PTPRN2: variants seen among roughly 807,000 people sequenced by gnomAD.
PTPRN2 encodes receptor-type tyrosine-protein phosphatase N2.
In PTPRN2, 74 loss-of-function variants were observed where a neutral mutation model predicts 118.8. The ratio of observed to expected loss-of-function variants is 0.62; its 90% CI spans 0.52 to 0.76. The LOEUF is 0.76. Ranked by LOEUF, PTPRN2 falls within the 30% of genes least tolerant of loss-of-function variation. The probability of loss-of-function intolerance (pLI) is 0.00; values close to 1 mark genes in which losing one functional copy is unlikely to be tolerated. For missense variants in PTPRN2, 1,481 were observed against 1,394.4 expected (o/e 1.06, Z -0.99); for synonymous variants, 641 against 608.0 (o/e 1.05, Z -0.80).
chr7:158,331,134 T>C (rs371011944), intron 2 of PTPRN2, among the ~76,000 whole-genome samples: 47 of 130,614 alleles, frequency 3.6e-4, no homozygotes, highest in Middle Eastern at 5.1e-3. Flanking sequence ...CCATAAGAGC[T>C]GACGCCCGCA....
chr7:157,722,441 C>T (rs1451736233), intron 12 of PTPRN2, among the ~76,000 whole-genome samples: 1 of 152,092 alleles, frequency 6.6e-6, no homozygotes, highest in East Asian at 1.9e-4. Context: ...ACCTGGGACC[C>T]AGCGCCCATG....
At chr7:157,621,895 C>T (rs891703663) in intron 14 of PTPRN2, among the ~76,000 whole-genome samples, 3 of 151,930 alleles carry the variant, frequency 2.0e-5, no homozygotes, top group South Asian at 2.1e-4. Flanking sequence ...AACCGGCGCA[C>T]GTTTCTGAAC....
Position 157,676,915 on chromosome 7 carries a change from TG to T in PTPRN2, c.2001+5809del, listed in dbSNP as rs76732831. 0.065 allele frequency among the ~76,000 whole-genome samples: 9,923 copies of T among 152,206 alleles called. 482 individuals carry two copies. The highest frequency in any genetic ancestry group is 0.22 in the East Asian group (1,147 of 5,156). On this transcript the variant is annotated intron_variant, in intron 13 of 22. Coordinates refer to ENST00000389418, the MANE Select transcript of PTPRN2 (RefSeq NM_002847.5). This position sits in a 1 kb window ranked among gnomAD's most constrained non-coding sequence, Gnocchi z 5.6. ...GTTCTCTGGTTCTGGCAGAGAAATG[TG>T]TGAGGCGGACTGGTACACAACACAA...
In PTPRN2 at chr7:158,236,935, C is replaced by T. The variant is rs1398216602; in HGVS notation, c.278-31662G>A. On this transcript the variant is annotated intron_variant, in intron 3 of 22. Coordinates refer to ENST00000389418, the MANE Select transcript of PTPRN2 (RefSeq NM_002847.5). Reference sequence around the variant, plus strand: ...CTATGACCTTACCCCCAACCCCGTGCTCTGTGAAACATGTGCTGTGTCAAC... The same window carrying T: ...CTATGACCTTACCCCCAACCCCGTGTTCTGTGAAACATGTGCTGTGTCAAC... 1.1e-4 allele frequency among the ~76,000 whole-genome samples: 6 copies of T among 55,780 alleles called. 3 individuals carry two copies. The highest frequency in any genetic ancestry group is 2.0e-4 in the African/African-American group (2 of 10,124). The allele number at this position is 55,780 out of a possible 152,430, so 36.6% of individuals were successfully genotyped here.
At chr7:158,135,050 C>A (rs1818689083) in intron 8 of PTPRN2, among the ~76,000 whole-genome samples, 1 of 152,174 alleles carries the variant, frequency 6.6e-6, no homozygotes, top group Non-Finnish European at 1.5e-5. Context: ...CTGCCACTGG[C>A]ACATACCAGG....
intron 9 of PTPRN2, among the ~76,000 whole-genome samples, chr7:158,132,664 CAT>C (rs1414747439): frequency 6.6e-6 from 1 of 151,530 alleles, no homozygotes; most frequent in Non-Finnish European, 1.5e-5. Flanking sequence ...CCTACACACT[CAT>C]ATACACACAG....
intron 3 of PTPRN2, among the ~76,000 whole-genome samples, chr7:158,208,698 A>T (rs1827348535): frequency 6.6e-6 from 1 of 152,238 alleles, no homozygotes; most frequent in African/African-American, 2.4e-5. Context: ...AGCAGTAAGA[A>T]ATCATCTAAA....
At chr7:157,938,779 C>T (rs907576791) in intron 11 of PTPRN2, among the ~76,000 whole-genome samples, 1 of 152,214 alleles carries the variant, frequency 6.6e-6, no homozygotes, top group African/African-American at 2.4e-5. Flanking sequence ...GTAAAAAGAA[C>T]CACCCTTTGG....
At chr7:158,376,927 ACGCGGGG>A (rs1810577510) in intron 2 of PTPRN2, among the ~76,000 whole-genome samples, 3 of 7,278 alleles carry the variant, frequency 4.1e-4, no homozygotes, top group Non-Finnish European at 9.7e-4. Context: ...CACGTCCTGC[ACGCGGGG>A]TCAGGGGACT....
At chr7:157,945,673 CG>C (rs1800436831) in intron 11 of PTPRN2, among the ~76,000 whole-genome samples, 2 of 151,634 alleles carry the variant, frequency 1.3e-5, no homozygotes, top group African/African-American at 4.9e-5. Context: ...CCAGCTTGGA[CG>C]ATGCCGCCTC....
intron 11 of PTPRN2, among the ~76,000 whole-genome samples, chr7:158,007,670 C>A (rs574193155): frequency 2.6e-5 from 4 of 152,280 alleles, no homozygotes; most frequent in Admixed American, 1.3e-4. Context: ...TCACAGTCAG[C>A]CTGGTCCCTA....
chr7:157,957,734 AG>A lies in PTPRN2; in HGVS notation c.1724-58998del, dbSNP rs932500797. ...AAACCGACCCCACCAGGAGTGAGTA[AG>A]GAGACTGAAACCGTAGTCAAAAACC... On this transcript the variant is annotated intron_variant, in intron 11 of 22. Transcript: ENST00000389418. Among the ~76,000 whole-genome samples the A allele has an allele frequency of 8.7e-4, 132 of 152,286 alleles. 1 individual carries two copies. Among genetic ancestry groups the A allele is most frequent in the Middle Eastern group, 3.4e-3 (1 of 294 alleles).
chr7:158,494,041 G>T (rs1306121438), intron 1 of PTPRN2, among the ~76,000 whole-genome samples: 5 of 152,330 alleles, frequency 3.3e-5, no homozygotes, highest in Admixed American at 6.5e-5. Context: ...CCCTTCTCAA[G>T]ATGAAAATGG....
chr7:157,608,161 G>A (rs1298620943), intron 15 of PTPRN2, among the ~76,000 whole-genome samples: 1 of 152,078 alleles, frequency 6.6e-6, no homozygotes, highest in Non-Finnish European at 1.5e-5. Flanking sequence ...TCCACCTCTC[G>A]GGTTCAAGTG....
chr7:158,543,302 G>C (rs1490455067), intron 1 of PTPRN2, among the ~76,000 whole-genome samples: 1 of 152,192 alleles, frequency 6.6e-6, no homozygotes, highest in African/African-American at 2.4e-5. Flanking sequence ...TGGGTGGGAA[G>C]AAGGAAGGCC....
rs150098835 is a variant in PTPRN2, at chr7:157,969,155, G to A, written c.1724-70418C>T. Among the ~76,000 whole-genome samples the A allele has an allele frequency of 1.8e-3, 271 of 151,922 alleles. 2 individuals are homozygous for A. Among genetic ancestry groups the A allele is most frequent in the Non-Finnish European group, 2.4e-3 (164 of 68,006 alleles). On this transcript the variant is annotated intron_variant, in intron 11 of 22. Coordinates refer to ENST00000389418, the MANE Select transcript of PTPRN2 (RefSeq NM_002847.5). Reference sequence around the variant, plus strand: ...TTTTTCATCTTGCTCTGTCACTCAGGCTGGAGTGCAATGGTACAACCATAG... The same window carrying A: ...TTTTTCATCTTGCTCTGTCACTCAGACTGGAGTGCAATGGTACAACCATAG...
At chr7:158,545,992 A>G (rs1378077540) in intron 1 of PTPRN2, among the ~76,000 whole-genome samples, 1 of 152,116 alleles carries the variant, frequency 6.6e-6, no homozygotes, top group East Asian at 1.9e-4. Context: ...CAAAAAAAAG[A>G]AAGAAAGAAA....
At chr7:158,168,595 T>C (rs1585719163) in intron 5 of PTPRN2, among the ~76,000 whole-genome samples, 1 of 152,164 alleles carries the variant, frequency 6.6e-6, no homozygotes, top group Non-Finnish European at 1.5e-5. Flanking sequence ...ACCTGAAACA[T>C]GTTTGCTGCC....
At chr7:158,494,937 G>A (rs199599561) in intron 1 of PTPRN2, among the ~76,000 whole-genome samples, 3 of 152,022 alleles carry the variant, frequency 2.0e-5, no homozygotes, top group African/African-American at 4.8e-5. Flanking sequence ...CCCTGGCCCC[G>A]CCAGCCTCCC....
Sources: gnomAD v4.1 joint callset for allele counts (sites outside exome capture counted in the v4.1 genomes callset) on GRCh38, gnomAD v4.1.1 for gene constraint, Gnocchi (gnomAD v3.1) non-coding constraint, MANE v1.5 for transcripts, NCBI Gene and HGNC (gene_info 2026-07-23, HGNC 2026-07-21) for gene names.